BMPR1B: variants seen among roughly 807,000 people sequenced by gnomAD.
The protein encoded by BMPR1B is bone morphogenetic protein receptor type-1B.
BMPR1B carries 12 observed loss-of-function variants against 59.1 expected under a neutral mutation model. The ratio of observed to expected loss-of-function variants is 0.20; its 90% CI spans 0.13 to 0.33. The LOEUF (loss-of-function observed/expected upper bound fraction) is 0.33. Ranked by LOEUF, BMPR1B falls within the 10% of genes least tolerant of loss-of-function variation. BMPR1B has a pLI of 1.00. For missense variants in BMPR1B, 550 were observed against 610.9 expected (o/e 0.90, Z 1.05); for synonymous variants, 237 against 207.3 (o/e 1.14, Z -1.23).
chr4:94,895,669 CT>C (rs34398430), intron 2 of BMPR1B, among the ~76,000 whole-genome samples: 17,510 of 146,052 alleles, frequency 0.12, 1,069 homozygotes, highest in Non-Finnish European at 0.13. Flanking sequence ...TGTGTGACAT[CT>C]TTTTTTTTTT....
intron 1 of BMPR1B, among the ~76,000 whole-genome samples, chr4:94,843,675 G>GA (rs11442776): frequency 0.61 from 93,294 of 151,972 alleles, 29,637 homozygotes; most frequent in African/African-American, 0.78. Flanking sequence ...AATTAAATTT[G>GA]AACTTTAAAA....
chr4:94,954,246 C>A (rs944997279), intron 2 of BMPR1B, among the ~76,000 whole-genome samples: 3 of 152,174 alleles, frequency 2.0e-5, no homozygotes, highest in Non-Finnish European at 4.4e-5. Flanking sequence ...GAACAGTTCT[C>A]GCTCATTACT....
At chr4:94,935,085 A>G (rs1729241417) in intron 2 of BMPR1B, among the ~76,000 whole-genome samples, 1 of 152,154 alleles carries the variant, frequency 6.6e-6, no homozygotes, top group Admixed American at 6.6e-5. Context: ...TATGGTATTC[A>G]TACTTCTTTC....
chr4:94,878,560 A>G (rs1000021046), intron 2 of BMPR1B, among the ~76,000 whole-genome samples: 1 of 151,822 alleles, frequency 6.6e-6, no homozygotes, highest in African/African-American at 2.4e-5. Flanking sequence ...GCGTCTCCTA[A>G]TTTTTTTTCT....
intron 1 of BMPR1B, among the ~76,000 whole-genome samples, chr4:94,854,362 G>A (rs1725674761): frequency 6.6e-6 from 1 of 152,136 alleles, no homozygotes; most frequent in Non-Finnish European, 1.5e-5. Flanking sequence ...ATAGATTCTT[G>A]TACTTATATG....
At chr4:95,017,960 G>A (rs754174249) in intron 3 of BMPR1B, among the ~76,000 whole-genome samples, 1 of 152,070 alleles carries the variant, frequency 6.6e-6, no homozygotes, top group African/African-American at 2.4e-5. Context: ...GGTTTCTGTG[G>A]GCAAAATTCC....
intron 2 of BMPR1B, among the ~76,000 whole-genome samples, chr4:94,906,012 TG>T (rs1728026429): frequency 6.6e-6 from 1 of 151,184 alleles, no homozygotes. Flanking sequence ...AACAAAGTAA[TG>T]ATGATTTTAA....
intron 1 of BMPR1B, among the ~76,000 whole-genome samples, chr4:94,842,560 C>CTT (rs1023380086): frequency 6.7e-6 from 1 of 149,748 alleles, no homozygotes; most frequent in South Asian, 2.1e-4. Context: ...TCTGAGGATA[C>CTT]TTTTTTTTTT....
At chr4:94,995,163 C>G (rs1430593422) in intron 2 of BMPR1B, among the ~76,000 whole-genome samples, 3 of 152,112 alleles carry the variant, frequency 2.0e-5, no homozygotes, top group Non-Finnish European at 2.9e-5. Flanking sequence ...ATGTCACCTG[C>G]AAACCATGTA....
At chr4:94,828,407 CT>C (rs1009586634) in intron 1 of BMPR1B, among the ~76,000 whole-genome samples, 1 of 152,064 alleles carries the variant, frequency 6.6e-6, no homozygotes, top group African/African-American at 2.4e-5. Context: ...AAAGAAAACA[CT>C]TTTAAAGAGT....
Position 95,095,122 on chromosome 4 carries a change from T to C in BMPR1B, c.-17-9286T>C, listed in dbSNP as rs144563366. 2.5e-3 allele frequency among the ~76,000 whole-genome samples: 374 copies of C among 151,840 alleles called. 1 individual carries two copies. The highest frequency in any genetic ancestry group is 8.8e-3 in the African/African-American group (366 of 41,470). On this transcript the variant is annotated intron_variant, in intron 3 of 12. Coordinates refer to ENST00000515059, the MANE Select transcript of BMPR1B (RefSeq NM_001203.3). ...GAAAGTACTTTAGTATAAGGAAAAA[T>C]GGTTAGGTGATGAAAATGAAACTCA...
At chr4:94,871,370 A>G (rs562665560) in intron 1 of BMPR1B, among the ~76,000 whole-genome samples, 81 of 152,322 alleles carry the variant, frequency 5.3e-4, no homozygotes, top group African/African-American at 1.8e-3. Flanking sequence ...CTTTTCTGCT[A>G]TTTTAAGGCT....
At chr4:95,139,895 T>C (rs114350221) in intron 10 of BMPR1B, among the ~76,000 whole-genome samples, 6,692 of 152,304 alleles carry the variant, frequency 0.044, 217 homozygotes, top group Non-Finnish European at 0.071. Context: ...GGTGAGGCGA[T>C]ATGCCCCACC....
intron 2 of BMPR1B, among the ~76,000 whole-genome samples, chr4:94,987,009 C>A (rs1178016802): frequency 7.0e-6 from 1 of 143,578 alleles, no homozygotes; most frequent in African/African-American, 2.6e-5. Flanking sequence ...CCACTGCACT[C>A]CAGCCTGGGC....
chr4:94,995,320 A>T (rs1721990747), intron 2 of BMPR1B, among the ~76,000 whole-genome samples: 1 of 152,142 alleles, frequency 6.6e-6, no homozygotes, highest in Non-Finnish European at 1.5e-5. Context: ...TAAATATATG[A>T]TGTATCTGAT....
intron 1 of BMPR1B, among the ~76,000 whole-genome samples, chr4:94,828,931 G>A (rs867380558): frequency 2.0e-5 from 3 of 151,946 alleles, no homozygotes; most frequent in Middle Eastern, 6.8e-3. Context: ...TCTATTCTGA[G>A]TAGTGATATT....
At chr4:94,907,855 G>A (rs1728107279) in intron 2 of BMPR1B, among the ~76,000 whole-genome samples, 1 of 151,330 alleles carries the variant, frequency 6.6e-6, no homozygotes, top group South Asian at 2.1e-4. Context: ...AAATGAATAT[G>A]AATGTACATG....
intron 2 of BMPR1B, among the ~76,000 whole-genome samples, chr4:94,990,121 G>A (rs1721643369): frequency 6.6e-6 from 1 of 152,218 alleles, no homozygotes; most frequent in Non-Finnish European, 1.5e-5. Context: ...ACTTTGGGAG[G>A]CCAAGGTGGG....
chr4:95,132,378 T>G (rs1196208327), intron 10 of BMPR1B, among the ~76,000 whole-genome samples: 2 of 152,172 alleles, frequency 1.3e-5, no homozygotes, highest in Non-Finnish European at 2.9e-5. Context: ...ATTAAAAGTT[T>G]GGAAAGTAAA....
Sources: allele counts gnomAD v4.1 joint callset (sites outside exome capture counted in the v4.1 genomes callset), GRCh38; gene constraint gnomAD v4.1.1; transcripts MANE v1.5; gene names NCBI Gene and HGNC (gene_info 2026-07-23, HGNC 2026-07-21).